Variants in NOTCH2NLR observed in about 807,000 individuals in gnomAD.
NOTCH2NLR encodes notch 2 N-terminal like R, also known as notch 2 N-terminal like R (pseudogene).
A neutral mutation model predicts 35.6 loss-of-function variants in NOTCH2NLR; 33 were observed. The observed-to-expected ratio is 0.93, with a 90% confidence interval of 0.70 to 1.24. The LOEUF (loss-of-function observed/expected upper bound fraction) is 1.24. Among genes scored for constraint, NOTCH2NLR ranks in the 50% most tolerant of loss-of-function variants. The probability of loss-of-function intolerance (pLI) is 0.00; values close to 1 mark genes in which losing one functional copy is unlikely to be tolerated. For missense variants in NOTCH2NLR, 276 were observed against 362.2 expected (o/e 0.76, Z 1.93); for synonymous variants, 103 against 141.0 (o/e 0.73, Z 1.91).
chr1:120,762,482 A>C lies in NOTCH2NLR; in HGVS notation c.74-1146A>C, dbSNP rs1429495708. Reference sequence around the variant, plus strand: ...AGGCCTAGCGTCTCTCTGATCTTGCACAATTTATGCATAGAGTGGTGTGGT... The same window carrying C: ...AGGCCTAGCGTCTCTCTGATCTTGCCCAATTTATGCATAGAGTGGTGTGGT... On this transcript the variant is annotated intron_variant, in intron 1 of 4. Coordinates refer to ENST00000624419, the Ensembl canonical transcript of NOTCH2NLR. 3.5e-3 allele frequency among the ~76,000 whole-genome samples: 393 copies of C among 110,758 alleles called. 72 individuals carry two copies. Among genetic ancestry groups the C allele is most frequent in the Non-Finnish European group, 5.5e-3 (313 of 57,020 alleles). 72.7% of individuals were successfully genotyped at this position (110,758 alleles called of 152,430 possible). A position where few individuals can be genotyped will look rare whatever the true frequency, so the allele number is the denominator to read the frequency against.
chr1:120,729,004 G>A (rs1650846516), intron 1 of NOTCH2NLR, among the ~76,000 whole-genome samples: 2 of 116,344 alleles, frequency 1.7e-5, no homozygotes, highest in Non-Finnish European at 1.6e-5. Context: ...TCTGGCATGT[G>A]CCCCAAATTC....
rs1329012861 is a variant in NOTCH2NLR, at chr1:120,784,532, C to A, written c.156-442C>A. On this transcript the variant is annotated intron_variant, in intron 2 of 4. Transcript: ENST00000624419. ...AAGATACCTGCATGATTACTCTCACCTTATTTAGGTCTCAACTCAAGTATT... is the reference window on the plus strand; with the variant it reads ...AAGATACCTGCATGATTACTCTCACATTATTTAGGTCTCAACTCAAGTATT... 2.6e-5 allele frequency among the ~76,000 whole-genome samples: 3 copies of A among 117,144 alleles called. 1 individual carries two copies. The highest frequency in any genetic ancestry group is 8.2e-5 in the Admixed American group (1 of 12,260). The allele number at this position is 117,144 out of a possible 152,430, so 76.9% of individuals were successfully genotyped here.
chr1:120,763,185 C>CG (rs1467185816), intron 1 of NOTCH2NLR, among the ~76,000 whole-genome samples: 1 of 36,994 alleles, frequency 2.7e-5, no homozygotes, highest in East Asian at 6.1e-4. Context: ...CTTCTTGAAG[C>CG]GGTCTGTTTT....
In NOTCH2NLR at chr1:120,747,771, T is replaced by C. The variant is rs1487149844; in HGVS notation, c.74-15857T>C. 6.6e-5 allele frequency among the ~76,000 whole-genome samples: 2 copies of C among 30,100 alleles called. 1 individual carries two copies. The highest frequency in any genetic ancestry group is 1.2e-4 in the Non-Finnish European group (2 of 16,878). The allele number at this position is 30,100 out of a possible 152,430, so 19.7% of individuals were successfully genotyped here. ...GCAGACCACTGGTCCAGAATGTAAA[T>C]TGAAGAGTTTAATGTCTAAGATATT... On this transcript the variant is annotated intron_variant, in intron 1 of 4. Coordinates refer to ENST00000624419, the Ensembl canonical transcript of NOTCH2NLR.
At chr1:120,759,907 C>T (rs1326523860) in intron 1 of NOTCH2NLR, among the ~76,000 whole-genome samples, 1 of 104,730 alleles carries the variant, frequency 9.5e-6, no homozygotes, top group Non-Finnish European at 1.8e-5. Context: ...TGCAATATAT[C>T]TCAAACATAT....
chr1:120,751,600 T>A lies in NOTCH2NLR; in HGVS notation c.74-12028T>A, dbSNP rs1651021756. On this transcript the variant is annotated intron_variant, in intron 1 of 4. Coordinates refer to ENST00000624419, the Ensembl canonical transcript of NOTCH2NLR. ...TAGGCCAGGGCATCTGCTCGTTCGC[T>A]CGCTCGCTTGCTCTTTCTCTCTTCC... is the stretch of plus-strand genomic sequence containing the variant. 3.5e-5 allele frequency among the ~76,000 whole-genome samples: 2 copies of A among 57,202 alleles called. 1 individual carries two copies. The highest frequency in any genetic ancestry group is 8.1e-5 in the Non-Finnish European group (2 of 24,796). 37.5% of individuals were successfully genotyped at this position (57,202 alleles called of 152,430 possible).
Position 120,759,132 on chromosome 1 carries a change from G to A in NOTCH2NLR, c.74-4496G>A, listed in dbSNP as rs1293528883. On this transcript the variant is annotated intron_variant, in intron 1 of 4. Coordinates refer to ENST00000624419, the Ensembl canonical transcript of NOTCH2NLR. ...CCGATAGTAGATGCTTTCTAAATATGTTCTGAATATTAGATAGCTAGTTCC... is the reference window on the plus strand; with the variant it reads ...CCGATAGTAGATGCTTTCTAAATATATTCTGAATATTAGATAGCTAGTTCC... Among the ~76,000 whole-genome samples the A allele has an allele frequency of 6.7e-5, 4 of 59,480 alleles. No homozygotes were observed. In the South Asian group the frequency reaches 1.9e-3, roughly 29 times the overall value. 39.0% of individuals were successfully genotyped at this position (59,480 alleles called of 152,430 possible).
At chr1:120,769,578 T>G (rs1166538944) in intron 2 of NOTCH2NLR, among the ~76,000 whole-genome samples, 1 of 122,608 alleles carries the variant, frequency 8.2e-6, no homozygotes, top group South Asian at 2.4e-4. Context: ...AAGAATGCTG[T>G]TTTTTTGGCT....
At position 120,763,412 on chromosome 1, in the gene NOTCH2NLR, G is replaced by A. The variant is rs1651154245; in HGVS notation, c.74-216G>A. On this transcript the variant is annotated intron_variant, in intron 1 of 4. Coordinates refer to ENST00000624419, the Ensembl canonical transcript of NOTCH2NLR. ...GATACTAAAACACAGAGAAATAAGA[G>A]CATCATTCAAGACCACAAATGTGGT... Among the ~76,000 whole-genome samples the A allele has an allele frequency of 2.8e-5, 3 of 107,644 alleles. 1 individual carries two copies. Among genetic ancestry groups the A allele is most frequent in the Non-Finnish European group, 5.2e-5 (3 of 58,108 alleles). 70.6% of individuals were successfully genotyped at this position (107,644 alleles called of 152,430 possible). A position where few individuals can be genotyped will look rare whatever the true frequency, so the allele number is the denominator to read the frequency against.
At position 120,768,489 on chromosome 1, in the gene NOTCH2NLR, A is replaced by G. The variant is rs1205950060; in HGVS notation, c.155+4780A>G. 2.7e-3 allele frequency among the ~76,000 whole-genome samples: 284 copies of G among 105,418 alleles called. 41 individuals are homozygous for G. Among genetic ancestry groups the G allele is most frequent in the South Asian group, 0.022 (76 of 3,482 alleles). The allele number at this position is 105,418 out of a possible 152,430, so 69.2% of individuals were successfully genotyped here. Reference sequence around the variant, plus strand: ...GTCTTTTCCAGGAATTTTTCTCCTCATATTCTAGCTGCTGTGACAGCTCCA... The same window carrying G: ...GTCTTTTCCAGGAATTTTTCTCCTCGTATTCTAGCTGCTGTGACAGCTCCA... On this transcript the variant is annotated intron_variant, in intron 2 of 4. Transcript: ENST00000624419.
exon 4 of NOTCH2NLR, chr1:120,793,239 A>T (rs1459231207): frequency 1.4e-6 from 2 of 1,440,004 alleles, no homozygotes; most frequent in Non-Finnish European, 1.9e-6. Flanking sequence ...GTGGCCAACC[A>T]GTTCTCCTGC....
At position 120,785,242 on chromosome 1, in the gene NOTCH2NLR, T is replaced by C; in HGVS notation, c.415+9T>C. On this transcript the variant is annotated intron_variant, in intron 3 of 4. Coordinates refer to ENST00000624419, the Ensembl canonical transcript of NOTCH2NLR. Reference sequence around the variant, plus strand: ...TCAAGTCGGGTTTACAGGTAACTAATGAGACCAAAGCCAGTGCTTCCCTAC... The same window carrying C: ...TCAAGTCGGGTTTACAGGTAACTAACGAGACCAAAGCCAGTGCTTCCCTAC... 1 of 1,444,466 alleles carries C rather than the reference T, an allele frequency of 6.9e-7. No homozygotes were observed. Among genetic ancestry groups the C allele is most frequent in the Non-Finnish European group, 9.3e-7 (1 of 1,080,812 alleles). 89.5% of individuals were successfully genotyped at this position (1,444,466 alleles called of 1,614,324 possible).
At position 120,724,120 on chromosome 1, in the gene NOTCH2NLR, A is replaced by G. The variant is rs1309961506; in HGVS notation, c.-58A>G. On this transcript the variant is annotated 5_prime_UTR_variant, in exon 1 of 5. Transcript: ENST00000624419. ...CTATCGGGACCCCCTCCCCATGTGG[A>G]TCTGCCCAGGCGGCGGCGGCGGCGG... 32 of 1,347,214 alleles carry G rather than the reference A, an allele frequency of 2.4e-5. 5 individuals carry two copies. The East Asian group carries it at 6.1e-4, about 25-fold the overall frequency. 83.5% of individuals were successfully genotyped at this position (1,347,214 alleles called of 1,614,324 possible).
At chr1:120,764,305 G>T (rs1214849712) in intron 2 of NOTCH2NLR, among the ~76,000 whole-genome samples, 1 of 105,338 alleles carries the variant, frequency 9.5e-6, no homozygotes, top group Non-Finnish European at 1.8e-5. Flanking sequence ...GTGTTTTTCA[G>T]ATTAAGGCAT....
At chr1:120,794,353 T>A (rs1651532458), downstream of NOTCH2NLR, among the ~76,000 whole-genome samples, 1 of 109,900 alleles carries the variant, frequency 9.1e-6, no homozygotes, top group Non-Finnish European at 1.7e-5. Flanking sequence ...GAATTTTGAT[T>A]GGGAACAGAA....
In NOTCH2NLR at chr1:120,728,683, A is replaced by G. The variant is rs1326929831; in HGVS notation, c.73+4433A>G. On this transcript the variant is annotated intron_variant, in intron 1 of 4. Transcript: ENST00000624419. ...GGGGACTAGTCATTTTTGGAATACT[A>G]TTTTTAAAATTAGAGTTAACTAAGT... Among the ~76,000 whole-genome samples the G allele has an allele frequency of 5.8e-4, 69 of 117,974 alleles. 16 individuals carry two copies. The Middle Eastern group carries it at 0.023, about 39-fold the overall frequency. The allele number at this position is 117,974 out of a possible 152,430, so 77.4% of individuals were successfully genotyped here.
chr1:120,724,254 A>G lies in NOTCH2NLR; in HGVS notation c.73+4A>G. On this transcript the variant is annotated splice_donor_region_variant and intron_variant, in intron 1 of 4. Coordinates refer to ENST00000624419, the Ensembl canonical transcript of NOTCH2NLR. Reference sequence around the variant, plus strand: ...TGCTGGGCGGCCCCCGCGCATGGTGAGTATCGGGCTGAGGGGCGCTGTCCG... The same window carrying G: ...TGCTGGGCGGCCCCCGCGCATGGTGGGTATCGGGCTGAGGGGCGCTGTCCG... The G allele has an allele frequency of 7.2e-7, 1 of 1,396,928 alleles. No homozygotes were observed. Among genetic ancestry groups the G allele is most frequent in the Non-Finnish European group, 9.4e-7 (1 of 1,066,016 alleles). 86.5% of individuals were successfully genotyped at this position (1,396,928 alleles called of 1,614,324 possible).
chr1:120,770,573 A>T (rs1243527340), intron 2 of NOTCH2NLR, among the ~76,000 whole-genome samples: 1 of 118,438 alleles, frequency 8.4e-6, no homozygotes, highest in Non-Finnish European at 1.6e-5. Flanking sequence ...AGCTAACATT[A>T]TTGCATATTA....
At chr1:120,793,403 A>C (rs2101472688) in exon 4 of NOTCH2NLR, 1 of 1,440,596 alleles carries the variant, frequency 6.9e-7, no homozygotes, top group Non-Finnish European at 9.3e-7. Flanking sequence ...GTACTGTGAC[A>C]GACTGTATGT....
Sources: allele counts gnomAD v4.1 joint callset (sites outside exome capture counted in the v4.1 genomes callset), GRCh38; gene constraint gnomAD v4.1.1; transcripts MANE v1.5; gene names NCBI Gene and HGNC (gene_info 2026-07-23, HGNC 2026-07-21).